The following MAP3K20 variants were observed in gnomAD, a reference collection of about 807,000 sequenced individuals.
MAP3K20 encodes the protein HCCS-4.
A neutral mutation model predicts 85.7 loss-of-function variants in MAP3K20; 40 were observed. The ratio of observed to expected loss-of-function variants is 0.47; its 90% CI spans 0.36 to 0.61. The LOEUF (loss-of-function observed/expected upper bound fraction) is 0.61. MAP3K20 is among the 20% of genes least tolerant of loss of function. The pLI is 0.00. For synonymous variants in MAP3K20, 325 were observed against 327.7 expected (o/e 0.99, Z 0.09); for missense variants, 817 against 961.7 (o/e 0.85, Z 1.99).
At chr2:173,076,038 G>A in intron 1 of MAP3K20, 36 bp downstream of exon 1, 2 of 983,422 alleles carry the variant, frequency 2.0e-6, no homozygotes, top group African/African-American at 1.7e-5. Context: ...AGGGCGGGGA[G>A]GGAGGGGGCG....
intron 2 of MAP3K20, among the ~76,000 whole-genome samples, chr2:173,119,655 C>A (rs189587178): frequency 6.6e-6 from 1 of 152,336 alleles, no homozygotes; most frequent in East Asian, 1.9e-4. Context: ...TGGCACAGTT[C>A]ATCTCTTTGG....
chr2:173,118,474 T>TG (rs1236278350), intron 2 of MAP3K20, among the ~76,000 whole-genome samples: 26 of 152,020 alleles, frequency 1.7e-4, no homozygotes, highest in Non-Finnish European at 3.1e-4. Flanking sequence ...TTTGGTTTTT[T>TG]GAGGGGGGTG....
intron 2 of MAP3K20, among the ~76,000 whole-genome samples, chr2:173,156,492 GAC>G (rs1451411455): frequency 1.3e-5 from 2 of 152,176 alleles, no homozygotes; most frequent in Non-Finnish European, 2.9e-5. Context: ...TTTTGTGGAA[GAC>G]AGTTTTTCCA....
chr2:173,248,993 T>C (rs988976100), intron 16 of MAP3K20, among the ~76,000 whole-genome samples: 36 of 152,212 alleles, frequency 2.4e-4, no homozygotes, highest in Admixed American at 6.5e-5. Context: ...CCATTGTCAG[T>C]TGGCTTAGGT....
chr2:173,263,620 G>T, intron 18 of MAP3K20, 125 bp from the exon 19 acceptor site: 1 of 904,182 alleles, frequency 1.1e-6, no homozygotes. Flanking sequence ...AGTGTTCTAA[G>T]AGGTGAAACT....
At chr2:173,108,680 A>C (rs1250183800) in intron 2 of MAP3K20, among the ~76,000 whole-genome samples, 1 of 152,228 alleles carries the variant, frequency 6.6e-6, no homozygotes, top group Admixed American at 6.5e-5. Flanking sequence ...TAAAATGGTA[A>C]GCCTTCCAGA....
chr2:173,127,297 G>A (rs1416908675), intron 2 of MAP3K20, among the ~76,000 whole-genome samples: 1 of 152,132 alleles, frequency 6.6e-6, no homozygotes, highest in East Asian at 1.9e-4. Context: ...TGTAATTAAG[G>A]ATTTACTGCT....
intron 12 of MAP3K20, among the ~76,000 whole-genome samples, chr2:173,230,890 G>A (rs370735319): frequency 8.9e-4 from 136 of 152,246 alleles, no homozygotes; most frequent in African/African-American, 3.0e-3. Context: ...CAGCTACTTG[G>A]GAGACTGAGG....
At chr2:173,128,329 T>TTATG (rs1195126327) in intron 2 of MAP3K20, among the ~76,000 whole-genome samples, 1 of 151,300 alleles carries the variant, frequency 6.6e-6, no homozygotes, top group Non-Finnish European at 1.5e-5. Context: ...ATTTATTTAT[T>TTATG]TATTTATTTA....
chr2:173,197,080 A>G (rs1031694208), intron 7 of MAP3K20, among the ~76,000 whole-genome samples: 4 of 152,232 alleles, frequency 2.6e-5, no homozygotes, highest in Non-Finnish European at 5.9e-5. Flanking sequence ...TAAGTACTCA[A>G]TAAGCGGTGG....
intron 2 of MAP3K20, among the ~76,000 whole-genome samples, chr2:173,109,832 T>C (rs1687892120): frequency 6.6e-6 from 1 of 152,308 alleles, no homozygotes; most frequent in Middle Eastern, 3.4e-3. Context: ...TCAATTCACA[T>C]AGCTGAATTG....
intron 2 of MAP3K20, among the ~76,000 whole-genome samples, chr2:173,145,440 C>T (rs563793719): frequency 3.3e-5 from 5 of 152,132 alleles, no homozygotes; most frequent in South Asian, 2.1e-4. Flanking sequence ...AAAAAGATAA[C>T]GATTTTCAAA....
chr2:173,184,385 C>G (rs967866252), intron 4 of MAP3K20, among the ~76,000 whole-genome samples: 8 of 152,198 alleles, frequency 5.3e-5, no homozygotes, highest in Non-Finnish European at 1.2e-4. Context: ...AGATAGACAG[C>G]AAACAAAACA....
In MAP3K20 at chr2:173,198,406, C is replaced by T; in HGVS notation, c.669+294C>T. 1 of 196,446 alleles carries T rather than the reference C, an allele frequency of 5.1e-6. No homozygotes were observed. Among genetic ancestry groups the T allele is most frequent in the Non-Finnish European group, 1.0e-5 (1 of 96,050 alleles). 12.2% of individuals were successfully genotyped at this position (196,446 alleles called of 1,614,324 possible). On this transcript the variant is annotated intron_variant, in intron 8 of 19. Transcript: ENST00000375213. The surrounding 1 kb of genome is among the most constrained non-coding windows in gnomAD (Gnocchi z 5.8). ...GTTTGTTCTTAGTGATGAAAGAAGC[C>T]ATTGCGTCCAAGGTAGGGGAACAGT...
intron 16 of MAP3K20, among the ~76,000 whole-genome samples, chr2:173,249,102 A>G (rs1684986665): frequency 6.6e-6 from 1 of 152,214 alleles, no homozygotes; most frequent in Non-Finnish European, 1.5e-5. Flanking sequence ...GTAAGAATAT[A>G]GTTTGGAAAC....
In MAP3K20 at chr2:173,266,783, TAAAA is replaced by T. The variant is rs3835094; in HGVS notation, c.*47_*50del. ...AACTACATAGCTTTTCTAAGCAGGT[TAAAA>T]AAAAAAAAAAAAAGAAATGTAATGG... On this transcript the variant is annotated 3_prime_UTR_variant, in exon 20 of 20. Transcript: ENST00000375213. The T allele has an allele frequency of 3.1e-4, 322 of 1,030,234 alleles. No homozygotes were observed. The highest frequency in any genetic ancestry group is 1.1e-3 in the South Asian group (34 of 30,516). 63.8% of individuals were successfully genotyped at this position (1,030,234 alleles called of 1,614,324 possible).
chr2:173,225,632 T>C lies in MAP3K20; in HGVS notation c.988-4057T>C, dbSNP rs1268446825. 5.1e-6 allele frequency: 5 copies of C among 983,624 alleles called. No individual in the cohort carries two copies. The East Asian group carries it at 4.6e-4, about 90-fold the overall frequency. 60.9% of individuals were successfully genotyped at this position (983,624 alleles called of 1,614,324 possible). On this transcript the variant is annotated intron_variant, in intron 11 of 19. Transcript: ENST00000375213. The stretch of plus-strand genomic sequence containing the variant: ...AACAAAAAAAAACAACCCGGTAGCA[T>C]TGTCCCTTCCCCACTGACAAACTTA...
chr2:173,186,627 C>A (rs1690493228), intron 4 of MAP3K20, among the ~76,000 whole-genome samples: 1 of 152,034 alleles, frequency 6.6e-6, no homozygotes, highest in Non-Finnish European at 1.5e-5. Context: ...ATTTTCAATG[C>A]ATTGTTCATT....
chr2:173,084,797 T>C (rs1687103083), intron 1 of MAP3K20, among the ~76,000 whole-genome samples: 2 of 152,218 alleles, frequency 1.3e-5, no homozygotes, highest in Non-Finnish European at 2.9e-5. Flanking sequence ...ATTAATTGCA[T>C]GTATACCATA....
Sources: allele counts gnomAD v4.1 joint callset (sites outside exome capture counted in the v4.1 genomes callset), GRCh38; gene constraint gnomAD v4.1.1; non-coding constraint Gnocchi (gnomAD v3.1); transcripts MANE v1.5; gene names NCBI Gene and HGNC (gene_info 2026-07-23, HGNC 2026-07-21).